CNBP: variants seen among roughly 807,000 people sequenced by gnomAD.
CNBP encodes cellular nucleic acid-binding protein.
Under a neutral mutation model 21.2 loss-of-function variants are expected in CNBP, and 6 were observed. The ratio of observed to expected loss-of-function variants is 0.28; its 90% confidence interval spans 0.16 to 0.56. CNBP has a LOEUF of 0.56. CNBP is among the 20% of genes least tolerant of loss of function. The pLI is 0.93. For synonymous variants in CNBP, 61 were observed against 74.9 expected (o/e 0.81, Z 0.96); for missense variants, 112 against 233.1 (o/e 0.48, Z 3.38).
chr3:129,179,147 C>G (rs376183987), intron 1 of CNBP, among the ~76,000 whole-genome samples: 1 of 151,910 alleles, frequency 6.6e-6, no homozygotes, highest in Admixed American at 6.6e-5. Flanking sequence ...TGTGGTGGCC[C>G]GTGCCTGTAG....
At chr3:129,182,607 G>A (rs1938377774) in intron 1 of CNBP, among the ~76,000 whole-genome samples, 1 of 152,156 alleles carries the variant, frequency 6.6e-6, no homozygotes, top group Admixed American at 6.6e-5. Flanking sequence ...TTCGTGTCTC[G>A]TTTGTAATTA....
chr3:129,173,137 A>G (rs1937656264), intron 1 of CNBP, among the ~76,000 whole-genome samples: 1 of 152,242 alleles, frequency 6.6e-6, no homozygotes, highest in African/African-American at 2.4e-5. Flanking sequence ...GAAAAGTTGC[A>G]TCTGTATTGA....
intron 1 of CNBP, among the ~76,000 whole-genome samples, chr3:129,172,687 GACAGACAGACACAC>G (rs1265261299): frequency 2.1e-3 from 201 of 94,182 alleles, no homozygotes; most frequent in African/African-American, 3.7e-3. Context: ...CAGACAGACA[GACAGACAGACACAC>G]ACACACACAC....
chr3:129,170,330 C>A lies in CNBP; in HGVS notation c.*123G>T. On this transcript the variant is annotated 3_prime_UTR_variant, in exon 5 of 5. Coordinates refer to ENST00000422453, the MANE Select transcript of CNBP (RefSeq NM_003418.5). Reference sequence around the variant, plus strand: ...TTTCCACCCCTTTCCTCCTTTTACACGGCAAGTAAAGCTCACTGGCCTGGG... The same window carrying A: ...TTTCCACCCCTTTCCTCCTTTTACAAGGCAAGTAAAGCTCACTGGCCTGGG... The A allele has an allele frequency of 3.8e-6, 3 of 785,716 alleles. No homozygotes were observed. Among genetic ancestry groups the A allele is most frequent in the South Asian group, 1.6e-5 (1 of 62,770 alleles). 48.7% of individuals were successfully genotyped at this position (785,716 alleles called of 1,614,324 possible).
chr3:129,171,144 C>T lies in CNBP; in HGVS notation c.351G>A (p.Gln117=). 6.2e-7 allele frequency: 1 copy of T among 1,614,256 alleles called. No individual in the cohort carries two copies. The highest frequency in any genetic ancestry group is 1.1e-5 in the South Asian group (1 of 91,084). ...CGAATTCTCCACAAGAATAGCATTT[C>T]TGCTCATCTGCATGGTCGCAGTCAC... The part of the protein sequence containing the change: ...LARDCDHADE[Q]KCYSCGEFGH... Residue 117 remains glutamine (Q), a synonymous_variant, in exon 4 of 5, where the codon CAG becomes CAA. Coordinates refer to ENST00000422453, the MANE Select transcript of CNBP (RefSeq NM_003418.5).
In CNBP at chr3:129,168,306, C is replaced by T. The variant is rs1461895855; in HGVS notation, c.*2147G>A. ...GTCCATCTCAACTCTAAATGAGACA[C>T]TAGCAAAAACAAGGAATCCACCACT... On this transcript the variant is annotated 3_prime_UTR_variant, in exon 5 of 5. Coordinates refer to ENST00000422453, the MANE Select transcript of CNBP (RefSeq NM_003418.5). Among the ~76,000 whole-genome samples, 1 of 151,934 alleles carries T rather than the reference C, an allele frequency of 6.6e-6. No homozygotes were observed. The highest frequency in any genetic ancestry group is 2.4e-5 in the African/African-American group (1 of 41,362).
At chr3:129,172,214 C>G (rs185288819) in intron 1 of CNBP, among the ~76,000 whole-genome samples, 3 of 152,130 alleles carry the variant, frequency 2.0e-5, no homozygotes, top group Non-Finnish European at 4.4e-5. Context: ...GTATTATAGA[C>G]TTATTATAAT....
chr3:129,181,070 T>C (rs1938253681), intron 1 of CNBP, among the ~76,000 whole-genome samples: 1 of 150,378 alleles, frequency 6.6e-6, no homozygotes, highest in Non-Finnish European at 1.5e-5. Flanking sequence ...TGAAACCCCG[T>C]CTCTACAAAA....
chr3:129,170,231 A>G lies in CNBP; in HGVS notation c.*222T>C, dbSNP rs1937543271. 2.0e-6 allele frequency: 1 copy of G among 503,448 alleles called. No individual in the cohort carries two copies. Among genetic ancestry groups the G allele is most frequent in the Non-Finnish European group, 3.6e-6 (1 of 280,366 alleles). The allele number at this position is 503,448 out of a possible 1,614,324, so 31.2% of individuals were successfully genotyped here. ...TGGCACGGAAAGGGGGTTCTTTAAC[A>G]AAGCATTATACATAACACCTCTACC... On this transcript the variant is annotated 3_prime_UTR_variant, in exon 5 of 5. Transcript: ENST00000422453.
chr3:129,172,650 AGGCAGG>A (rs55792459), intron 1 of CNBP, among the ~76,000 whole-genome samples: 8,990 of 88,090 alleles, frequency 0.1, 356 homozygotes, highest in Non-Finnish European at 0.14. Flanking sequence ...GCAGGCAGGC[AGGCAGG>A]CAGACAGACA....
intron 1 of CNBP, among the ~76,000 whole-genome samples, chr3:129,173,806 A>G (rs926500867): frequency 2.6e-5 from 4 of 152,202 alleles, no homozygotes; most frequent in African/African-American, 7.2e-5. Context: ...ACCTAAGCAC[A>G]GGCACCATCA....
rs550235839 is a variant in CNBP, at chr3:129,168,824, C to A, written c.*1629G>T. 7.2e-5 allele frequency among the ~76,000 whole-genome samples: 11 copies of A among 151,774 alleles called. No individual in the cohort carries two copies. The South Asian group carries it at 2.3e-3, about 32-fold the overall frequency. ...AAAAATACAAAAAATAGGCCGGGCG[C>A]GGTGGCTCACGCCTGTGATCCCAGC... is the stretch of plus-strand genomic sequence containing the variant. On this transcript the variant is annotated 3_prime_UTR_variant, in exon 5 of 5. Coordinates refer to ENST00000422453, the MANE Select transcript of CNBP (RefSeq NM_003418.5).
At chr3:129,182,258 G>A (rs1195530350) in intron 1 of CNBP, among the ~76,000 whole-genome samples, 2 of 152,064 alleles carry the variant, frequency 1.3e-5, no homozygotes, top group South Asian at 2.1e-4. Context: ...AGCAAGATGG[G>A]GATATTCATT....
At chr3:129,181,824 A>G (rs1176674350) in intron 1 of CNBP, among the ~76,000 whole-genome samples, 1 of 152,082 alleles carries the variant, frequency 6.6e-6, no homozygotes, top group Admixed American at 6.6e-5. Flanking sequence ...TTATCAAGAG[A>G]TGAAATCGGA....
rs1162952401 is a variant in CNBP at position 129,168,154 on chromosome 3, G to A, written c.*2299C>T. Among the ~76,000 whole-genome samples, 1 of 152,128 alleles carries A rather than the reference G, an allele frequency of 6.6e-6. No homozygotes were observed. Among genetic ancestry groups the A allele is most frequent in the African/African-American group, 2.4e-5 (1 of 41,430 alleles). ...TATGATGCTAACCGCATTTAATTTC[G>A]AAGTGGGGGGAAACAGGGCATGGGG... On this transcript the variant is annotated 3_prime_UTR_variant, in exon 5 of 5. Coordinates refer to ENST00000422453, the MANE Select transcript of CNBP (RefSeq NM_003418.5).
At chr3:129,170,927 G>A in intron 4 of CNBP, 152 bp downstream of exon 4, 1 of 739,758 alleles carries the variant, frequency 1.4e-6, no homozygotes, top group Non-Finnish European at 2.2e-6. Context: ...ATTATATACA[G>A]ATAGACTGCC....
Position 129,168,244 on chromosome 3 carries a change from T to C in CNBP, c.*2209A>G, listed in dbSNP as rs886747476. On this transcript the variant is annotated 3_prime_UTR_variant, in exon 5 of 5. Transcript: ENST00000422453. ...CCTTAAGTAAATTAAGTTTAACTCA[T>C]CTATTAAAAAGTGAGTTAAAACAGA... Among the ~76,000 whole-genome samples, 1 of 152,064 alleles carries C rather than the reference T, an allele frequency of 6.6e-6. No homozygotes were observed. The highest frequency in any genetic ancestry group is 6.6e-5 in the Admixed American group (1 of 15,252).
chr3:129,174,271 A>T (rs1050962115), intron 1 of CNBP, among the ~76,000 whole-genome samples: 2 of 141,626 alleles, frequency 1.4e-5, no homozygotes, highest in Non-Finnish European at 3.0e-5. Flanking sequence ...CTTTGTAATC[A>T]TTCTTTTAAC....
At chr3:129,172,600 GCAGGCAGACAGGCAGA>G (rs55999291) in intron 1 of CNBP, among the ~76,000 whole-genome samples, 3 of 52,458 alleles carry the variant, frequency 5.7e-5, no homozygotes, top group African/African-American at 1.6e-4. Flanking sequence ...AGGCAGGCAG[GCAGGCAGACAGGCAGA>G]CAGGCAGCCA....
Sources: allele counts gnomAD v4.1 joint callset (sites outside exome capture counted in the v4.1 genomes callset), GRCh38; gene constraint gnomAD v4.1.1; transcripts MANE v1.5; gene names NCBI Gene and HGNC (gene_info 2026-07-23, HGNC 2026-07-21).